TYR: variants seen among roughly 807,000 people sequenced by gnomAD.
The protein encoded by TYR is tyrosinase, also known as LB24-AB.
TYR carries 58 observed loss-of-function variants against 51.5 expected under a neutral mutation model. The observed-to-expected ratio is 1.13, with a 90% confidence interval of 0.91 to 1.40. The LOEUF is 1.40. Among genes scored for constraint, TYR ranks in the 40% most tolerant of loss-of-function variants. The pLI, the probability that TYR is intolerant of heterozygous loss-of-function variation, is 0.00. For missense variants in TYR, 732 were observed against 647.4 expected (o/e 1.13, Z -1.42); for synonymous variants, 263 against 235.2 (o/e 1.12, Z -1.08).
At chr11:89,235,916 T>G (rs1944103946) in intron 3 of TYR, among the ~76,000 whole-genome samples, 1 of 152,130 alleles carries the variant, frequency 6.6e-6, no homozygotes, top group Non-Finnish European at 1.5e-5. Context: ...TATATACATA[T>G]ATCAGCATCA....
chr11:89,194,689 A>G (rs1331811192), intron 2 of TYR, among the ~76,000 whole-genome samples: 1 of 146,738 alleles, frequency 6.8e-6, no homozygotes, highest in Non-Finnish European at 1.5e-5. Context: ...TCTATCATCT[A>G]TCTATATTAA....
Position 89,178,348 on chromosome 11 carries a change from A to C in TYR, c.395A>C (p.Asp132Ala). Residue 132 changes from aspartate (D) to alanine (A), a missense_variant, in exon 1 of 5, where the codon GAC becomes GCC. Asp to Ala is a moderately radical substitution (Grantham distance 126). Coordinates refer to ENST00000263321, the MANE Select transcript of TYR (RefSeq NM_000372.5). ...TTCGATTTGAGTGCCCCAGAGAAGGACAAATTTTTTGCCTACCTCACTTTA... is the reference window on the plus strand; with the variant it reads ...TTCGATTTGAGTGCCCCAGAGAAGGCCAAATTTTTTGCCTACCTCACTTTA... ...NIFDLSAPEKDKFFAYLTLAK... is the reference protein window; with the variant it reads ...NIFDLSAPEKAKFFAYLTLAK... The C allele has an allele frequency of 1.2e-6, 2 of 1,614,180 alleles. No individual in the cohort carries two copies. Among genetic ancestry groups the C allele is most frequent in the Non-Finnish European group, 1.7e-6 (2 of 1,180,034 alleles).
At position 89,271,755 on chromosome 11, in the gene TYR, C is replaced by G. The variant is rs1173153053; in HGVS notation, c.1185-13018C>G. Among the ~76,000 whole-genome samples the G allele has an allele frequency of 6.8e-4, 104 of 151,926 alleles. 2 individuals are homozygous for G. Among genetic ancestry groups the G allele is most frequent in the Admixed American group, 6.8e-3 (104 of 15,230 alleles). On this transcript the variant is annotated intron_variant, in intron 3 of 4. Coordinates refer to ENST00000263321, the MANE Select transcript of TYR (RefSeq NM_000372.5). ...GTAGAACTTCTTGCAAATATGGAGT[C>G]AATCCTCTCAAACCCTACTGGTACT...
chr11:89,202,623 A>ACACACACACACACACACACACT (rs1491100482), intron 2 of TYR, among the ~76,000 whole-genome samples: 1 of 838 alleles, frequency 1.2e-3, no homozygotes, highest in Non-Finnish European at 3.5e-3. Context: ...TTTTCATAAT[A>ACACACACACACACACACACACT]CACACACACA....
rs138833062 is a variant in TYR at position 89,231,710 on chromosome 11, G to T, written c.1184+3740G>T. On this transcript the variant is annotated intron_variant, in intron 3 of 4. Transcript: ENST00000263321. ...GTTAAGTATAAGAAGTAGGCTGAGC[G>T]CAGTGGATCATGCCTGTACTCATAG... Among the ~76,000 whole-genome samples the T allele has an allele frequency of 5.2e-4, 74 of 142,742 alleles. 6 individuals carry two copies. The East Asian group carries it at 0.014, about 26-fold the overall frequency. The allele number at this position is 142,742 out of a possible 152,430, so 93.6% of individuals were successfully genotyped here.
intron 2 of TYR, among the ~76,000 whole-genome samples, chr11:89,221,386 A>G (rs1204288995): frequency 6.6e-6 from 1 of 152,244 alleles, no homozygotes. Context: ...TCAAATTAAA[A>G]GTATTTTCTA....
intron 2 of TYR, among the ~76,000 whole-genome samples, chr11:89,213,169 A>C (rs574143688): frequency 7.9e-5 from 12 of 152,304 alleles, no homozygotes; most frequent in African/African-American, 2.9e-4. Context: ...AGATGATATG[A>C]TTGTATATTT....
chr11:89,178,821 A>G (rs1943264335), intron 1 of TYR, 49 bp downstream of exon 1: 9 of 1,588,370 alleles, frequency 5.7e-6, no homozygotes, highest in Non-Finnish European at 7.8e-6. Context: ...AACCTTAACA[A>G]TCACTTCTTC....
intron 3 of TYR, among the ~76,000 whole-genome samples, chr11:89,235,281 A>G (rs896987284): frequency 6.6e-6 from 1 of 152,204 alleles, no homozygotes; most frequent in African/African-American, 2.4e-5. Context: ...TCAGTAAACT[A>G]AAGATAGAAT....
At chr11:89,261,808 CA>C (rs1451855412) in intron 3 of TYR, among the ~76,000 whole-genome samples, 3 of 151,776 alleles carry the variant, frequency 2.0e-5, no homozygotes, top group African/African-American at 7.3e-5. Context: ...GACCATAAAA[CA>C]AGTCTCAAAA....
chr11:89,186,909 A>G (rs58651096), intron 1 of TYR, among the ~76,000 whole-genome samples: 3,077 of 152,268 alleles, frequency 0.02, 120 homozygotes, highest in African/African-American at 0.071. Flanking sequence ...TGCGTAGAGA[A>G]ACGGCAATGT....
intron 3 of TYR, among the ~76,000 whole-genome samples, chr11:89,269,835 T>C (rs973620470): frequency 1.8e-4 from 28 of 152,016 alleles, no homozygotes; most frequent in African/African-American, 6.0e-4. Flanking sequence ...CTCAAATGTG[T>C]TTCAACATTA....
chr11:89,180,018 G>A (rs986112624), intron 1 of TYR, among the ~76,000 whole-genome samples: 6 of 152,004 alleles, frequency 3.9e-5, no homozygotes, highest in East Asian at 1.9e-4. Flanking sequence ...GGCCTTCTCC[G>A]CCCAACCAAG....
chr11:89,286,260 C>T (rs987275771), intron 4 of TYR, among the ~76,000 whole-genome samples: 4 of 151,760 alleles, frequency 2.6e-5, no homozygotes, highest in African/African-American at 4.8e-5. Flanking sequence ...AAGAGAATAG[C>T]AAGAACAGTA....
intron 3 of TYR, among the ~76,000 whole-genome samples, chr11:89,257,199 C>T (rs1944403002): frequency 6.6e-6 from 1 of 151,902 alleles, no homozygotes; most frequent in South Asian, 2.1e-4. Flanking sequence ...GCCCCAGTAT[C>T]CCAAAGTGGA....
chr11:89,292,013 G>A (rs555125516), intron 4 of TYR, among the ~76,000 whole-genome samples: 1 of 151,824 alleles, frequency 6.6e-6, no homozygotes, highest in East Asian at 1.9e-4. Context: ...TTGTTTTCCT[G>A]CATTACTTTT....
chr11:89,289,622 T>C (rs1944834095), intron 4 of TYR, among the ~76,000 whole-genome samples: 2 of 152,042 alleles, frequency 1.3e-5, no homozygotes, highest in Admixed American at 1.3e-4. Context: ...CTACAGGTAG[T>C]GTATCTCAAT....
chr11:89,213,787 A>G (rs141792863), intron 2 of TYR, among the ~76,000 whole-genome samples: 2,191 of 152,244 alleles, frequency 0.014, 48 homozygotes, highest in African/African-American at 0.051. Flanking sequence ...AAATAACACC[A>G]CACATCTACA....
intron 3 of TYR, among the ~76,000 whole-genome samples, chr11:89,283,418 A>C (rs1456577944): frequency 6.6e-6 from 1 of 151,788 alleles, no homozygotes; most frequent in Non-Finnish European, 1.5e-5. Flanking sequence ...AAGCATTATC[A>C]CTTCTTTTTC....
Sources: allele counts gnomAD v4.1 joint callset (sites outside exome capture counted in the v4.1 genomes callset), GRCh38; gene constraint gnomAD v4.1.1; transcripts MANE v1.5; gene names NCBI Gene and HGNC (gene_info 2026-07-23, HGNC 2026-07-21).